Variants in GOLPH3 observed in about 807,000 individuals in gnomAD.
GOLPH3 encodes the protein coat protein GPP34.
Under a neutral mutation model 28.5 loss-of-function variants are expected in GOLPH3, and 14 were observed. The ratio of observed to expected loss-of-function variants is 0.49; its 90% CI spans 0.32 to 0.77. GOLPH3 has a LOEUF of 0.77. Among genes scored for constraint, GOLPH3 ranks in the 30% least tolerant of loss-of-function variants. The pLI is 0.03. For synonymous variants in GOLPH3, 158 were observed against 159.2 expected (o/e 0.99, Z 0.06); for missense variants, 350 against 393.7 (o/e 0.89, Z 0.94).
intron 3 of GOLPH3, among the ~76,000 whole-genome samples, chr5:32,129,191 A>C (rs956178164): frequency 2.0e-5 from 3 of 152,114 alleles, no homozygotes; most frequent in East Asian, 1.9e-4. Context: ...AAAAACAAAA[A>C]CAAAAAAACC....
Position 32,126,213 on chromosome 5 carries a change from T to C in GOLPH3, c.896A>G (p.Ter299=). 6.2e-7 allele frequency: 1 copy of C among 1,608,568 alleles called. No homozygotes were observed. Among genetic ancestry groups the C allele is most frequent in the African/African-American group, 1.3e-5 (1 of 74,930 alleles). ...GAGAATGGTTCACCCCGAGCAGAGT[T>C]ACTTGGTGAACGCCGCCACCACCGC... ...LWAVVAAFTK[*] is the part of the protein sequence containing the mutation. The change falls in exon 4 of 4, where the codon TAA becomes TGA. Residue 299 remains the stop codon, a stop_retained_variant. Coordinates refer to ENST00000265070, the MANE Select transcript of GOLPH3 (RefSeq NM_022130.4).
At chr5:32,149,768 G>A (rs1031639226) in intron 1 of GOLPH3, among the ~76,000 whole-genome samples, 3 of 152,090 alleles carry the variant, frequency 2.0e-5, no homozygotes, top group African/African-American at 7.2e-5. Context: ...AGGCCGAGGC[G>A]GGCAGATCAC....
At chr5:32,156,850 C>A (rs1484004818) in intron 1 of GOLPH3, among the ~76,000 whole-genome samples, 1 of 152,172 alleles carries the variant, frequency 6.6e-6, no homozygotes, top group Non-Finnish European at 1.5e-5. Context: ...TAGTTCCTAA[C>A]AGGCCACAGA....
rs139345330 is a variant in GOLPH3, at chr5:32,127,083, G to A, written c.473-447C>T. On this transcript the variant is annotated intron_variant, in intron 3 of 3. Coordinates refer to ENST00000265070, the MANE Select transcript of GOLPH3 (RefSeq NM_022130.4). ...TACACATATACAGCCTATAGAGGTA[G>A]GAAAGCCTGTTTAGGCCATGCTATT... 5.9e-3 allele frequency among the ~76,000 whole-genome samples: 906 copies of A among 152,276 alleles called. 17 individuals are homozygous for A. Among genetic ancestry groups the A allele is most frequent in the African/African-American group, 0.021 (868 of 41,556 alleles).
intron 2 of GOLPH3, among the ~76,000 whole-genome samples, chr5:32,141,044 T>C (rs1746050566): frequency 6.6e-6 from 1 of 151,408 alleles, no homozygotes; most frequent in Non-Finnish European, 1.5e-5. Context: ...ACGCCTGTAG[T>C]ACCAGCTACT....
intron 3 of GOLPH3, among the ~76,000 whole-genome samples, chr5:32,129,001 G>A (rs756801525): frequency 6.6e-6 from 1 of 152,092 alleles, no homozygotes; most frequent in African/African-American, 2.4e-5. Flanking sequence ...AGCCAAGATG[G>A]TGAAACCCTG....
intron 1 of GOLPH3, among the ~76,000 whole-genome samples, chr5:32,157,029 G>A (rs1032637705): frequency 1.3e-5 from 2 of 152,172 alleles, no homozygotes; most frequent in Non-Finnish European, 1.5e-5. Flanking sequence ...TTATGATTAC[G>A]TTTTAAAAGT....
intron 2 of GOLPH3, 58 bp downstream of exon 2, chr5:32,143,691 C>G: frequency 6.9e-7 from 1 of 1,442,158 alleles, no homozygotes; most frequent in Non-Finnish European, 9.3e-7. Flanking sequence ...CTAGTAAAAA[C>G]ATACATTTTA....
At chr5:32,129,045 G>A (rs1745764059) in intron 3 of GOLPH3, among the ~76,000 whole-genome samples, 1 of 152,194 alleles carries the variant, frequency 6.6e-6, no homozygotes, top group South Asian at 2.1e-4. Context: ...AGCCAGGCAT[G>A]GTAGCAGGTG....
At chr5:32,166,385 C>T (rs1378630818) in intron 1 of GOLPH3, among the ~76,000 whole-genome samples, 1 of 152,154 alleles carries the variant, frequency 6.6e-6, no homozygotes, top group Non-Finnish European at 1.5e-5. Context: ...TACTAGATTA[C>T]ATTGTAATAC....
rs1745659463 is a variant in GOLPH3, at chr5:32,125,630, A to G, written c.*582T>C. ...CAATTGGACCTTTATAGTTAAAATT[A>G]TAACAAGTGTAATAATACAATAGAT... On this transcript the variant is annotated 3_prime_UTR_variant, in exon 4 of 4. Transcript: ENST00000265070. The G allele has an allele frequency of 6.5e-6, 1 of 152,758 alleles. No individual in the cohort carries two copies. Among genetic ancestry groups the G allele is most frequent in the Admixed American group, 6.5e-5 (1 of 15,292 alleles). 9.5% of individuals were successfully genotyped at this position (152,758 alleles called of 1,614,324 possible). A position where few individuals can be genotyped will look rare whatever the true frequency, so the allele number is the denominator to read the frequency against.
chr5:32,154,881 G>A (rs894897784), intron 1 of GOLPH3, among the ~76,000 whole-genome samples: 2 of 152,080 alleles, frequency 1.3e-5, no homozygotes, highest in Non-Finnish European at 2.9e-5. Flanking sequence ...TCAGGAGTTC[G>A]AGACCAGCCT....
intron 3 of GOLPH3, among the ~76,000 whole-genome samples, chr5:32,133,719 T>C (rs1211620395): frequency 1.3e-5 from 2 of 152,340 alleles, no homozygotes; most frequent in South Asian, 2.1e-4. Flanking sequence ...GCATTGACAA[T>C]GTGATGGGTA....
intron 3 of GOLPH3, 75 bp from the exon 4 acceptor site, chr5:32,126,711 C>A: frequency 8.7e-7 from 1 of 1,144,430 alleles, no homozygotes; most frequent in East Asian, 2.4e-5. Flanking sequence ...TACTATTAAA[C>A]AGTAAAATCT....
At chr5:32,173,542 G>A (rs775204785) in intron 1 of GOLPH3, among the ~76,000 whole-genome samples, 1 of 152,172 alleles carries the variant, frequency 6.6e-6, no homozygotes, top group Non-Finnish European at 1.5e-5. Flanking sequence ...AACTGCCAGG[G>A]TGTCGAAATG....
chr5:32,138,224 G>A (rs1274729673), intron 2 of GOLPH3, among the ~76,000 whole-genome samples: 1 of 151,966 alleles, frequency 6.6e-6, no homozygotes, highest in African/African-American at 2.4e-5. Flanking sequence ...CTTTTAAAAT[G>A]CTGAGAGTCC....
intron 1 of GOLPH3, among the ~76,000 whole-genome samples, chr5:32,150,655 G>A (rs1252218234): frequency 6.6e-6 from 1 of 152,060 alleles, no homozygotes; most frequent in Admixed American, 6.6e-5. Flanking sequence ...GCTTGTGACT[G>A]GAAATGTTAT....
chr5:32,154,878 T>C (rs1037449302), intron 1 of GOLPH3, among the ~76,000 whole-genome samples: 2 of 151,926 alleles, frequency 1.3e-5, no homozygotes, highest in African/African-American at 4.8e-5. Flanking sequence ...AGGTCAGGAG[T>C]TCGAGACCAG....
At chr5:32,128,835 G>A (rs1745756017) in intron 3 of GOLPH3, among the ~76,000 whole-genome samples, 1 of 151,384 alleles carries the variant, frequency 6.6e-6, no homozygotes, top group African/African-American at 2.4e-5. Context: ...AACTTGCAAA[G>A]CAGCAAAAAA....
Sources: allele counts gnomAD v4.1 joint callset (sites outside exome capture counted in the v4.1 genomes callset), GRCh38; gene constraint gnomAD v4.1.1; transcripts MANE v1.5; gene names NCBI Gene and HGNC (gene_info 2026-07-23, HGNC 2026-07-21).